The following FAM90A11 variants were observed in gnomAD, a reference collection of about 807,000 sequenced individuals.
The protein encoded by FAM90A11 is protein FAM90A11.
chr8:8,012,635 G>A, the FAM90A11 span: 4 of 52,428 alleles, frequency 7.6e-5, 2 homozygotes, highest in African/African-American at 2.2e-4. Flanking sequence ...GGCAGGCAAG[G>A]TCTGCTGTGC....
the FAM90A11 span, among the ~76,000 whole-genome samples, chr8:8,014,309 C>CG: frequency 2.6e-4 from 2 of 7,636 alleles, 1 homozygote; most frequent in African/African-American, 2.8e-4. Flanking sequence ...CCCGCTGTCG[C>CG]GGGGAACCTG....
chr8:8,012,725 T>A, the FAM90A11 span: 1 of 130,040 alleles, frequency 7.7e-6, no homozygotes, highest in Non-Finnish European at 1.5e-5. Flanking sequence ...CCAAGTTCGG[T>A]TGCGGCTGGC....
At chr8:8,014,333 CG>C in the FAM90A11 span, among the ~76,000 whole-genome samples, 2 of 9,338 alleles carry the variant, frequency 2.1e-4, 1 homozygote, top group African/African-American at 2.3e-4. Context: ...GAAGCGCCCC[CG>C]CCTCTCCCCG....
chr8:8,012,730 G>T, the FAM90A11 span: 15 of 137,482 alleles, frequency 1.1e-4, 6 homozygotes, highest in Non-Finnish European at 1.6e-4. Context: ...TTCGGTTGCG[G>T]CTGGCGGAGG....
At chr8:8,014,543 T>A in the FAM90A11 span, 1 of 10,376 alleles carries the variant, frequency 9.6e-5, no homozygotes, top group South Asian at 3.4e-4. Context: ...CACCTTGGTC[T>A]CTCTTCCTTC....
chr8:8,014,843 AAG>A, the FAM90A11 span: 1 of 31,462 alleles, frequency 3.2e-5, no homozygotes, highest in African/African-American at 6.2e-5. Context: ...AAGGATTCCA[AAG>A]AGGGGACACC....
chr8:8,012,761 C>T, the FAM90A11 span: 1 of 146,252 alleles, frequency 6.8e-6, no homozygotes, highest in Non-Finnish European at 1.2e-5. Context: ...TCCAGGGCCC[C>T]CAGCTCACCT....
At chr8:8,012,369 TGAG>T in the FAM90A11 span, 3 of 58,102 alleles carry the variant, frequency 5.2e-5, 1 homozygote, top group South Asian at 2.8e-4. Flanking sequence ...CGCTGTCCTC[TGAG>T]GAGGAGGAAA....
the FAM90A11 span, chr8:8,012,345 C>A: frequency 3.3e-5 from 2 of 60,498 alleles, 1 homozygote; most frequent in South Asian, 2.9e-4. Context: ...TGCAGTCTCA[C>A]TCCAGGTCAG....
Sources: gnomAD v4.1 joint callset for allele counts (sites outside exome capture counted in the v4.1 genomes callset) on GRCh38, gnomAD v4.1.1 for gene constraint, MANE v1.5 for transcripts, NCBI Gene and HGNC (gene_info 2026-07-23, HGNC 2026-07-21) for gene names.